NTM: variants seen among roughly 807,000 people sequenced by gnomAD.
NTM encodes IgLON family member 2.
In NTM, 13 loss-of-function variants were observed where a neutral mutation model predicts 42.1. The observed-to-expected ratio is 0.31, with a 90% CI of 0.20 to 0.49. The LOEUF (loss-of-function observed/expected upper bound fraction) is 0.49. Ranked by LOEUF, NTM falls within the 20% of genes least tolerant of loss-of-function variation. NTM has a pLI of 0.99. For missense variants in NTM, 373 were observed against 452.8 expected, an observed-to-expected ratio of 0.82 and a Z score of 1.60; for synonymous variants, 187 against 179.2, an observed-to-expected ratio of 1.04 and a Z score of -0.35.
chr11:131,526,363 G>T (rs972942612), intron 1 of NTM, among the ~76,000 whole-genome samples: 1 of 152,232 alleles, frequency 6.6e-6, no homozygotes, highest in South Asian at 2.1e-4. Context: ...AGTAGGACAG[G>T]TCAGGTGTGT....
intron 1 of NTM, among the ~76,000 whole-genome samples, chr11:131,706,194 C>A (rs918621072): frequency 4.0e-5 from 6 of 151,598 alleles, no homozygotes; most frequent in African/African-American, 7.3e-5. Context: ...TATACTTATA[C>A]TGGAAAAAAT....
At chr11:131,789,636 A>AGAAGAAAGAAG (rs1555127949) in intron 1 of NTM, among the ~76,000 whole-genome samples, 1 of 30,900 alleles carries the variant, frequency 3.2e-5, no homozygotes, top group African/African-American at 1.2e-4. Context: ...AAGAAGAAGA[A>AGAAGAAAGAAG]AAGAAGAAGA....
chr11:132,158,426 C>A (rs892008178), intron 3 of NTM, among the ~76,000 whole-genome samples: 1 of 152,222 alleles, frequency 6.6e-6, no homozygotes. Context: ...CACCCTAGCA[C>A]CTTTCTTGCC....
chr11:132,226,471 G>T (rs893909411), intron 4 of NTM, among the ~76,000 whole-genome samples: 1 of 152,060 alleles, frequency 6.6e-6, no homozygotes, highest in Non-Finnish European at 1.5e-5. Flanking sequence ...TGATGATGAG[G>T]TTTTTTTCAT....
chr11:132,314,733 G>A (rs772526221), intron 7 of NTM, 30 bp downstream of exon 7: 2 of 1,595,706 alleles, frequency 1.3e-6, no homozygotes, highest in Non-Finnish European at 1.7e-6. Context: ...TGGGCAAGAA[G>A]AGGGGAGAGG....
intron 1 of NTM, among the ~76,000 whole-genome samples, chr11:131,514,101 A>G (rs1227128434): frequency 6.6e-6 from 1 of 152,184 alleles, no homozygotes; most frequent in East Asian, 1.9e-4. Flanking sequence ...GTCCCAGGGG[A>G]GAAAGCATAA....
intron 1 of NTM, among the ~76,000 whole-genome samples, chr11:131,703,401 A>G (rs1199635355): frequency 2.6e-5 from 4 of 152,266 alleles, no homozygotes; most frequent in African/African-American, 9.6e-5. Flanking sequence ...ATACAAATAA[A>G]TATACATCAG....
At chr11:131,700,130 G>A (rs1001158530) in intron 1 of NTM, among the ~76,000 whole-genome samples, 14 of 151,986 alleles carry the variant, frequency 9.2e-5, no homozygotes, top group Admixed American at 3.3e-4. Context: ...GAGCATTTTG[G>A]GTTCCTTTCT....
chr11:131,525,498 C>T (rs2050349127), intron 1 of NTM, among the ~76,000 whole-genome samples: 1 of 152,148 alleles, frequency 6.6e-6, no homozygotes, highest in Non-Finnish European at 1.5e-5. Flanking sequence ...TTAGCACAGT[C>T]GGGGTGGGCC....
At chr11:132,145,651 A>G (rs1331757061) in intron 2 of NTM, among the ~76,000 whole-genome samples, 1 of 152,214 alleles carries the variant, frequency 6.6e-6, no homozygotes, top group African/African-American at 2.4e-5. Context: ...TTAACCGAAC[A>G]TTTCTGCCCC....
chr11:132,233,495 G>C (rs11222981), intron 4 of NTM, among the ~76,000 whole-genome samples: 1 of 152,070 alleles, frequency 6.6e-6, no homozygotes. Flanking sequence ...ATAGCTTGTG[G>C]GCTCACAATG....
intron 3 of NTM, among the ~76,000 whole-genome samples, chr11:132,155,655 G>A (rs570223111): frequency 1.5e-4 from 23 of 152,250 alleles, no homozygotes; most frequent in African/African-American, 5.1e-4. Flanking sequence ...TGTTCTTATC[G>A]TCCTAAAACC....
chr11:131,642,461 G>C (rs1049251253), intron 1 of NTM, among the ~76,000 whole-genome samples: 2 of 152,204 alleles, frequency 1.3e-5, no homozygotes, highest in Admixed American at 6.5e-5. Context: ...GGAATTAATG[G>C]AGGACAAATT....
chr11:131,774,268 TC>T (rs1337049169), intron 1 of NTM: 1 of 205,700 alleles, frequency 4.9e-6, no homozygotes, highest in Non-Finnish European at 8.5e-6. Flanking sequence ...TAGTAGCATC[TC>T]AGGCAGAACA....
intron 1 of NTM, among the ~76,000 whole-genome samples, chr11:131,906,052 C>T (rs1003661315): frequency 6.6e-6 from 1 of 152,170 alleles, no homozygotes; most frequent in Non-Finnish European, 1.5e-5. Flanking sequence ...CACTGACAAA[C>T]CCAATAGCAC....
intron 1 of NTM, among the ~76,000 whole-genome samples, chr11:131,777,620 C>A (rs2087263184): frequency 6.6e-6 from 1 of 151,944 alleles, no homozygotes; most frequent in South Asian, 2.1e-4. Flanking sequence ...CAAAATTTTA[C>A]CCTCATTTTT....
intron 1 of NTM, among the ~76,000 whole-genome samples, chr11:131,725,397 G>T (rs1008627328): frequency 2.0e-5 from 3 of 152,184 alleles, no homozygotes; most frequent in Non-Finnish European, 4.4e-5. Context: ...ATGGAGAGAA[G>T]TCAGAGAACA....
intron 1 of NTM, among the ~76,000 whole-genome samples, chr11:131,650,043 A>G (rs1050404691): frequency 3.3e-5 from 5 of 152,184 alleles, no homozygotes; most frequent in African/African-American, 4.8e-5. Flanking sequence ...AAGCTTAGGC[A>G]TCACCCTTCT....
chr11:132,072,096 G>A (rs2057757362), intron 2 of NTM, among the ~76,000 whole-genome samples: 1 of 152,106 alleles, frequency 6.6e-6, no homozygotes, highest in Non-Finnish European at 1.5e-5. Flanking sequence ...TCAATGACTC[G>A]ATAGAGGAAG....
Sources: gnomAD v4.1 joint callset for allele counts (sites outside exome capture counted in the v4.1 genomes callset) on GRCh38, gnomAD v4.1.1 for gene constraint, MANE v1.5 for transcripts, NCBI Gene and HGNC (gene_info 2026-07-23, HGNC 2026-07-21) for gene names.